The following XKR9 variants were observed in gnomAD, a reference collection of about 807,000 sequenced individuals.
The protein encoded by XKR9 is XK-related protein 9.
In XKR9, 32 loss-of-function variants were observed where a neutral mutation model predicts 32.0. That is an observed-to-expected ratio of 1.00 (90% CI 0.76 to 1.34). The LOEUF is 1.34. Ranked by LOEUF, XKR9 falls within the 40% of genes most tolerant of loss-of-function variation. The pLI, the probability that XKR9 is intolerant of heterozygous loss-of-function variation, is 0.00. For missense variants in XKR9, 546 were observed against 429.7 expected (o/e 1.27, Z -2.39); for synonymous variants, 168 against 143.4 (o/e 1.17, Z -1.22).
intron 3 of XKR9, among the ~76,000 whole-genome samples, chr8:70,690,922 G>A (rs1040249271): frequency 6.6e-6 from 1 of 151,918 alleles, no homozygotes; most frequent in Non-Finnish European, 1.5e-5. Context: ...AATGCTCTGG[G>A]TATATACCCA....
intron 2 of XKR9, among the ~76,000 whole-genome samples, chr8:70,740,977 G>A (rs1394694327): frequency 6.6e-6 from 1 of 152,218 alleles, no homozygotes; most frequent in Admixed American, 6.5e-5. Context: ...CGGGCTGGGA[G>A]AACCACTGCT....
At chr8:70,835,335 C>T in the XKR9 span, among the ~76,000 whole-genome samples, 4 of 152,162 alleles carry the variant, frequency 2.6e-5, no homozygotes, top group Admixed American at 1.3e-4. Context: ...GTTTCCTTTT[C>T]GTTTTAAATT....
chr8:71,028,731 T>C, the XKR9 span, among the ~76,000 whole-genome samples: 1 of 152,186 alleles, frequency 6.6e-6, no homozygotes, highest in Non-Finnish European at 1.5e-5. Flanking sequence ...TGTAAGTATA[T>C]ACAATTATGA....
At chr8:70,790,716 C>T (rs1364762097), downstream of XKR9, among the ~76,000 whole-genome samples, 1 of 152,078 alleles carries the variant, frequency 6.6e-6, no homozygotes, top group Non-Finnish European at 1.5e-5. Flanking sequence ...AGTCTTTATC[C>T]TCTGCAATTT....
the XKR9 span, among the ~76,000 whole-genome samples, chr8:70,985,424 G>T: frequency 6.6e-6 from 1 of 152,146 alleles, no homozygotes; most frequent in South Asian, 2.1e-4. Flanking sequence ...TGGGCATTTG[G>T]GTTGGTTCCA....
chr8:70,994,960 G>A, the XKR9 span, among the ~76,000 whole-genome samples: 1 of 152,092 alleles, frequency 6.6e-6, no homozygotes, highest in Admixed American at 6.6e-5. Context: ...GTAAAATAAA[G>A]GCTAGTTAGT....
chr8:70,741,571 C>G (rs1392998367), intron 2 of XKR9, among the ~76,000 whole-genome samples: 1 of 152,126 alleles, frequency 6.6e-6, no homozygotes, highest in Non-Finnish European at 1.5e-5. Flanking sequence ...ACAAGATTTA[C>G]TTCTTTTTTT....
rs748912603 is a variant in XKR9, at chr8:70,707,159, T to A, written c.493+6T>A. 1 of 1,610,942 alleles carries A rather than the reference T, an allele frequency of 6.2e-7. No individual in the cohort carries two copies. On this transcript the variant is annotated splice_donor_region_variant and intron_variant, in intron 4 of 4. Transcript: ENST00000408926. ...ACAAGCGAATTTCAGTCAGTGTAAG[T>A]TTTTCTTAACTCCTTGTGTTAAATG...
chr8:70,808,594 A>T, the XKR9 span, among the ~76,000 whole-genome samples: 1 of 152,180 alleles, frequency 6.6e-6, no homozygotes, highest in Non-Finnish European at 1.5e-5. Context: ...GGTCACTTCC[A>T]CCCTAATACT....
the XKR9 span, among the ~76,000 whole-genome samples, chr8:71,011,279 G>A: frequency 6.6e-6 from 1 of 152,122 alleles, no homozygotes; most frequent in South Asian, 2.1e-4. Context: ...TAGAAACATG[G>A]GAGCCTGACA....
At chr8:70,675,346 G>A (rs760912049) in intron 2 of XKR9, among the ~76,000 whole-genome samples, 1 of 152,118 alleles carries the variant, frequency 6.6e-6, no homozygotes, top group Non-Finnish European at 1.5e-5. Flanking sequence ...AGAATCACTC[G>A]AACCCACTGT....
chr8:70,707,387 G>C (rs1805758811), intron 4 of XKR9, among the ~76,000 whole-genome samples: 1 of 151,976 alleles, frequency 6.6e-6, no homozygotes. Context: ...CTTCAGAGAA[G>C]TTTTTAAAAG....
the XKR9 span, among the ~76,000 whole-genome samples, chr8:70,825,928 T>A: frequency 5.3e-5 from 8 of 152,226 alleles, no homozygotes; most frequent in East Asian, 1.5e-3. Flanking sequence ...CTATACTTCC[T>A]TCAGAATGGT....
chr8:71,065,555 G>A, the XKR9 span, among the ~76,000 whole-genome samples: 2 of 152,244 alleles, frequency 1.3e-5, no homozygotes, highest in African/African-American at 4.8e-5. Context: ...AATACAGGGT[G>A]TGAGGTGGCT....
chr8:70,832,834 C>G, the XKR9 span, among the ~76,000 whole-genome samples: 1 of 152,184 alleles, frequency 6.6e-6, no homozygotes, highest in Non-Finnish European at 1.5e-5. Context: ...TCAATATTTA[C>G]TTGTTTACTG....
chr8:70,681,470 G>A (rs1217541253), intron 3 of XKR9, 140 bp downstream of exon 3: 1 of 1,028,032 alleles, frequency 9.7e-7, no homozygotes, highest in African/African-American at 1.6e-5. Context: ...CCTCACTATT[G>A]TGCTAATATA....
chr8:70,797,411 A>T, the XKR9 span, among the ~76,000 whole-genome samples: 2 of 152,134 alleles, frequency 1.3e-5, no homozygotes, highest in Non-Finnish European at 2.9e-5. Flanking sequence ...TTGCATGTGG[A>T]TTCAACCTTT....
chr8:71,000,269 G>T, the XKR9 span, among the ~76,000 whole-genome samples: 1 of 152,164 alleles, frequency 6.6e-6, no homozygotes, highest in African/African-American at 2.4e-5. Context: ...TAAATGGTTA[G>T]AGCTTTCAAA....
intron 3 of XKR9, among the ~76,000 whole-genome samples, chr8:70,704,213 T>C (rs1791322085): frequency 6.6e-6 from 1 of 151,850 alleles, no homozygotes; most frequent in African/African-American, 2.4e-5. Flanking sequence ...AAATAAACAA[T>C]AAAATAAATA....
Sources: gnomAD v4.1 joint callset for allele counts (sites outside exome capture counted in the v4.1 genomes callset) on GRCh38, gnomAD v4.1.1 for gene constraint, MANE v1.5 for transcripts, NCBI Gene and HGNC (gene_info 2026-07-23, HGNC 2026-07-21) for gene names.